SAXO1: variants seen among roughly 807,000 people sequenced by gnomAD.
The protein encoded by SAXO1 is 4930500O09Rik.
In SAXO1, 21 loss-of-function variants were observed where a neutral mutation model predicts 17.5. The observed-to-expected ratio is 1.20, with a 90% CI of 0.85 to 1.72. The LOEUF is 1.72. SAXO1 is among the 40% of genes most tolerant of loss of function. The pLI, the probability that SAXO1 is intolerant of heterozygous loss-of-function variation, is 0.00. For synonymous variants in SAXO1, 274 were observed against 216.5 expected, an observed-to-expected ratio of 1.27 and a Z score of -2.33; for missense variants, 843 against 596.0, an observed-to-expected ratio of 1.41 and a Z score of -4.32.
intron 1 of SAXO1, among the ~76,000 whole-genome samples, chr9:18,989,027 A>C (rs1333520076): frequency 6.6e-6 from 1 of 152,148 alleles, no homozygotes; most frequent in Non-Finnish European, 1.5e-5. Flanking sequence ...ATAAGAAGTA[A>C]GATCATTTTA....
chr9:19,002,718 A>G (rs1397106356), intron 1 of SAXO1, among the ~76,000 whole-genome samples: 1 of 152,214 alleles, frequency 6.6e-6, no homozygotes, highest in African/African-American at 2.4e-5. Flanking sequence ...AACTCTCAAT[A>G]AACTAGGTAC....
chr9:18,929,352 A>G (rs544750553), intron 3 of SAXO1, among the ~76,000 whole-genome samples: 4 of 152,326 alleles, frequency 2.6e-5, no homozygotes, highest in African/African-American at 9.6e-5. Context: ...TCCTGCAGAA[A>G]AGTTCAACCA....
intron 1 of SAXO1, among the ~76,000 whole-genome samples, chr9:18,965,902 T>C (rs1299417493): frequency 6.6e-6 from 1 of 152,238 alleles, no homozygotes; most frequent in Non-Finnish European, 1.5e-5. Context: ...TTTCCATATT[T>C]AGTGCTTCCT....
At chr9:19,012,920 C>G (rs1321490929) in intron 1 of SAXO1, among the ~76,000 whole-genome samples, 1 of 152,048 alleles carries the variant, frequency 6.6e-6, no homozygotes, top group Non-Finnish European at 1.5e-5. Context: ...GATTCTGCAC[C>G]AACAAAAAGC....
At chr9:18,963,075 T>C (rs955103433) in intron 1 of SAXO1, among the ~76,000 whole-genome samples, 12 of 152,206 alleles carry the variant, frequency 7.9e-5, no homozygotes, top group Non-Finnish European at 1.3e-4. Context: ...CCATTGATTG[T>C]TTTTGTCAGA....
chr9:19,036,154 A>AGAT (rs1287326825), upstream of SAXO1, among the ~76,000 whole-genome samples: 1 of 151,288 alleles, frequency 6.6e-6, no homozygotes, highest in African/African-American at 2.4e-5. Context: ...TACCTAATGT[A>AGAT]GATGATGGGT....
rs1159240866 is a variant in SAXO1 at position 19,028,053 on chromosome 9, G to A, written c.38+4818C>T. On this transcript the variant is annotated intron_variant, in intron 1 of 3. Coordinates refer to ENST00000380534, the MANE Select transcript of SAXO1 (RefSeq NM_153707.4). ...TGATCGCACTGCGCAGGGGTGCCACGGAGCTCACCCACGAGGACTACATGG... is the reference window on the plus strand; with the variant it reads ...TGATCGCACTGCGCAGGGGTGCCACAGAGCTCACCCACGAGGACTACATGG... The A allele has an allele frequency of 8.7e-6, 14 of 1,611,584 alleles. No individual in the cohort carries two copies. In the Middle Eastern group the frequency reaches 6.7e-4, roughly 78 times the overall value.
In SAXO1 at chr9:18,928,736, C is replaced by T. The variant is rs1334051776; in HGVS notation, c.741G>A (p.Leu247=). The change falls in exon 4 of 4, where the codon CTG becomes CTA. Residue 247 remains leucine, a synonymous_variant. Transcript: ENST00000380534. The part of the protein sequence containing the change: ...LTTQKQSYRG[L]MGEPAKSLKP... Reference sequence around the variant, plus strand: ...TCAAGCTCTTGGCAGGCTCCCCCATCAGGCCCCGGTAGGATTGTTTTTGAG... The same window carrying T: ...TCAAGCTCTTGGCAGGCTCCCCCATTAGGCCCCGGTAGGATTGTTTTTGAG... 14 of 1,614,162 alleles carry T rather than the reference C, an allele frequency of 8.7e-6. No homozygotes were observed. The highest frequency in any genetic ancestry group is 1.2e-5 in the Non-Finnish European group (14 of 1,180,030).
chr9:18,961,334 C>T (rs1832473497), intron 1 of SAXO1, among the ~76,000 whole-genome samples: 1 of 151,670 alleles, frequency 6.6e-6, no homozygotes, highest in Admixed American at 6.5e-5. Context: ...CCACGCCTGG[C>T]TAATTGTTTT....
At chr9:18,951,178 T>C (rs1832024115) in intron 1 of SAXO1, among the ~76,000 whole-genome samples, 1 of 152,148 alleles carries the variant, frequency 6.6e-6, no homozygotes, top group Non-Finnish European at 1.5e-5. Context: ...ACACAAGCTG[T>C]CACACATGCC....
At chr9:18,955,927 T>C (rs1207066983) in intron 1 of SAXO1, among the ~76,000 whole-genome samples, 1 of 118,794 alleles carries the variant, frequency 8.4e-6, no homozygotes, top group African/African-American at 3.2e-5. Flanking sequence ...TGCATGAGCC[T>C]CTACTTTTAA....
chr9:19,032,120 G>A (rs1158192692), intron 1 of SAXO1, among the ~76,000 whole-genome samples: 1 of 152,116 alleles, frequency 6.6e-6, no homozygotes, highest in Non-Finnish European at 1.5e-5. Context: ...TGACAGCCCA[G>A]GAAAGGTGAC....
At chr9:18,980,586 G>A (rs1246656689) in intron 1 of SAXO1, among the ~76,000 whole-genome samples, 1 of 150,930 alleles carries the variant, frequency 6.6e-6, no homozygotes, top group Non-Finnish European at 1.5e-5. Context: ...GGAGGAGGAG[G>A]GTGTGCACCA....
chr9:18,929,911 T>C (rs1406516471), intron 3 of SAXO1, among the ~76,000 whole-genome samples: 1 of 152,220 alleles, frequency 6.6e-6, no homozygotes, highest in Non-Finnish European at 1.5e-5. Context: ...TGTCGGTCAA[T>C]TGTGCTCAAG....
rs192818730 is a variant in SAXO1 at position 18,950,709 on chromosome 9, T to C, written c.218+49A>G. 544 of 1,512,474 alleles carry C rather than the reference T, an allele frequency of 3.6e-4. 3 individuals carry two copies. In the African/African-American group the frequency reaches 6.0e-3, roughly 17 times the overall value. 93.7% of individuals were successfully genotyped at this position (1,512,474 alleles called of 1,614,324 possible). A position where few individuals can be genotyped will look rare whatever the true frequency, so the allele number is the denominator to read the frequency against. ...ATTATACATTAGCACTGCATGTTAC[T>C]CCATTAGTGTTGTATGTACCTGCAT... On this transcript the variant is annotated intron_variant, in intron 2 of 3. Coordinates refer to ENST00000380534, the MANE Select transcript of SAXO1 (RefSeq NM_153707.4).
At chr9:19,014,477 AG>A (rs1303047452) in intron 1 of SAXO1, among the ~76,000 whole-genome samples, 1 of 149,610 alleles carries the variant, frequency 6.7e-6, no homozygotes, top group African/African-American at 2.4e-5. Context: ...AAAAAAAAAA[AG>A]TTAATTAATT....
At chr9:19,013,330 C>T (rs535842516) in intron 1 of SAXO1, among the ~76,000 whole-genome samples, 6 of 152,210 alleles carry the variant, frequency 3.9e-5, no homozygotes, top group South Asian at 2.1e-4. Context: ...GATTTTGCAA[C>T]GCCAGTCCCT....
intron 1 of SAXO1, among the ~76,000 whole-genome samples, chr9:19,002,481 T>A (rs900296427): frequency 6.6e-6 from 1 of 152,206 alleles, no homozygotes; most frequent in African/African-American, 2.4e-5. Flanking sequence ...TGAACATCGA[T>A]GCAAAAATTC....
At chr9:18,993,334 T>A (rs1833884523) in intron 1 of SAXO1, among the ~76,000 whole-genome samples, 2 of 147,528 alleles carry the variant, frequency 1.4e-5, no homozygotes, top group African/African-American at 5.0e-5. Context: ...TGTGTTCTCA[T>A]TAAGAACATA....
Sources: gnomAD v4.1 joint callset for allele counts (sites outside exome capture counted in the v4.1 genomes callset) on GRCh38, gnomAD v4.1.1 for gene constraint, MANE v1.5 for transcripts, NCBI Gene and HGNC (gene_info 2026-07-23, HGNC 2026-07-21) for gene names.